NKAIN3: variants seen among roughly 807,000 people sequenced by gnomAD.
NKAIN3 encodes sodium/potassium-transporting ATPase subunit beta-1-interacting protein 3.
NKAIN3 carries 25 observed loss-of-function variants against 30.2 expected under a neutral mutation model. The observed-to-expected ratio is 0.83, with a 90% CI of 0.60 to 1.16. NKAIN3 has a LOEUF of 1.16. Ranked by LOEUF, NKAIN3 falls within the 50% of genes most tolerant of loss-of-function variation. The probability of loss-of-function intolerance (pLI) is 0.00; values close to 1 mark genes in which losing one functional copy is unlikely to be tolerated. For synonymous variants in NKAIN3, 91 were observed against 89.6 expected (o/e 1.02, Z -0.09); for missense variants, 225 against 254.1 (o/e 0.89, Z 0.78).
In NKAIN3 at chr8:62,329,864, G is replaced by A. The variant is rs1304225608; in HGVS notation, c.54+80737G>A. Among the ~76,000 whole-genome samples, 4 of 152,172 alleles carry A rather than the reference G, an allele frequency of 2.6e-5. No homozygotes were observed. In the East Asian group the frequency reaches 7.8e-4, roughly 30 times the overall value. ...CCTTTGAGTATATACCCAGTCATGG[G>A]ATTGCTGGGTCAAATAGTAGTACTA... On this transcript the variant is annotated intron_variant, in intron 1 of 6. Transcript: ENST00000623646.
At chr8:62,408,256 T>C (rs1333279714) in intron 1 of NKAIN3, among the ~76,000 whole-genome samples, 1 of 152,178 alleles carries the variant, frequency 6.6e-6, no homozygotes, top group African/African-American at 2.4e-5. Context: ...CTCCTAAGAA[T>C]CTTGATCAAC....
intron 1 of NKAIN3, among the ~76,000 whole-genome samples, chr8:62,250,748 C>T (rs1351643031): frequency 1.3e-5 from 2 of 152,318 alleles, no homozygotes; most frequent in Middle Eastern, 3.4e-3. Flanking sequence ...ATCCATCAGC[C>T]AAGCATGCCC....
intron 3 of NKAIN3, among the ~76,000 whole-genome samples, chr8:62,605,827 C>T (rs1289212600): frequency 1.3e-5 from 2 of 151,818 alleles, no homozygotes; most frequent in South Asian, 2.1e-4. Context: ...AATCAATGCC[C>T]CGTGGATACT....
At chr8:62,404,572 C>T (rs1406904856) in intron 1 of NKAIN3, among the ~76,000 whole-genome samples, 3 of 152,138 alleles carry the variant, frequency 2.0e-5, no homozygotes, top group Non-Finnish European at 4.4e-5. Flanking sequence ...CTTCCTGTCA[C>T]CATGAAAAGA....
intron 5 of NKAIN3, among the ~76,000 whole-genome samples, chr8:62,926,069 G>A (rs16929884): frequency 0.11 from 16,023 of 152,106 alleles, 939 homozygotes; most frequent in East Asian, 0.17. Context: ...AGGTGGTGCC[G>A]AGTGGAAAAT....
intron 4 of NKAIN3, among the ~76,000 whole-genome samples, chr8:62,763,216 C>T (rs1307813990): frequency 9.8e-5 from 8 of 81,440 alleles, no homozygotes; most frequent in African/African-American, 1.6e-4. Context: ...TGCGAGACTC[C>T]GTCTCAAAAA....
intron 1 of NKAIN3, among the ~76,000 whole-genome samples, chr8:62,261,702 GC>G (rs903105628): frequency 6.6e-6 from 1 of 152,120 alleles, no homozygotes; most frequent in Non-Finnish European, 1.5e-5. Context: ...CTTGAAGAAG[GC>G]TTCAGGAAGG....
At chr8:62,517,515 T>C (rs557009807) in intron 1 of NKAIN3, among the ~76,000 whole-genome samples, 17 of 152,232 alleles carry the variant, frequency 1.1e-4, no homozygotes, top group African/African-American at 2.9e-4. Flanking sequence ...TCATTGGCAA[T>C]GAGAAGCTTT....
At chr8:62,962,252 T>C (rs1823589597) in intron 6 of NKAIN3, among the ~76,000 whole-genome samples, 1 of 152,228 alleles carries the variant, frequency 6.6e-6, no homozygotes, top group Non-Finnish European at 1.5e-5. Flanking sequence ...TCCTTTGAAT[T>C]CTTATGAAAG....
At chr8:62,489,070 A>C (rs538502040) in intron 1 of NKAIN3, among the ~76,000 whole-genome samples, 97 of 152,124 alleles carry the variant, frequency 6.4e-4, no homozygotes, top group Non-Finnish European at 1.3e-3. Context: ...CATTAGTCTA[A>C]GTATATATAG....
chr8:62,791,779 C>A (rs1261030426), intron 4 of NKAIN3, among the ~76,000 whole-genome samples: 4 of 151,774 alleles, frequency 2.6e-5, no homozygotes, highest in Non-Finnish European at 5.9e-5. Context: ...ATCTTCATAA[C>A]AGTTTCCAGA....
At position 62,970,622 on chromosome 8, in the gene NKAIN3, A is replaced by C. The variant is rs992376202; in HGVS notation, c.*5215A>C. Among the ~76,000 whole-genome samples, 3 of 152,170 alleles carry C rather than the reference A, an allele frequency of 2.0e-5. No homozygotes were observed. Among genetic ancestry groups the C allele is most frequent in the Non-Finnish European group, 4.4e-5 (3 of 68,030 alleles). On this transcript the variant is annotated 3_prime_UTR_variant, in exon 7 of 7. Coordinates refer to ENST00000623646, the MANE Select transcript of NKAIN3 (RefSeq NM_001304533.3). ...AGAAAAGAATAGAAGGTAGAAAGGA[A>C]GGGAGAGGAAAATGGAGAGAAGATG...
chr8:62,688,741 GACACACAC>G (rs375008096), intron 3 of NKAIN3, among the ~76,000 whole-genome samples: 11 of 116,392 alleles, frequency 9.5e-5, no homozygotes, highest in African/African-American at 2.2e-4. Flanking sequence ...CAGACAGACA[GACACACAC>G]ACACACACAC....
intron 4 of NKAIN3, among the ~76,000 whole-genome samples, chr8:62,795,493 G>C (rs931674347): frequency 6.6e-6 from 1 of 152,076 alleles, no homozygotes; most frequent in Non-Finnish European, 1.5e-5. Context: ...ACCCATCCTA[G>C]AATCAAGCAG....
chr8:62,925,723 A>G (rs1389747290), intron 5 of NKAIN3, among the ~76,000 whole-genome samples: 1 of 152,142 alleles, frequency 6.6e-6, no homozygotes, highest in Non-Finnish European at 1.5e-5. Context: ...AGTTCTATAG[A>G]TGATGCTTTT....
intron 4 of NKAIN3, among the ~76,000 whole-genome samples, chr8:62,894,377 T>C (rs201937869): frequency 6.6e-6 from 1 of 152,218 alleles, no homozygotes; most frequent in East Asian, 1.9e-4. Flanking sequence ...ATTATCTTTT[T>C]CTTGAACACT....
At chr8:62,996,690 TA>T (rs1255696367) in intron 5 of NKAIN3, among the ~76,000 whole-genome samples, 1 of 152,166 alleles carries the variant, frequency 6.6e-6, no homozygotes, top group Non-Finnish European at 1.5e-5. Flanking sequence ...AAGTATTGGG[TA>T]AATGTTCCTA....
intron 4 of NKAIN3, among the ~76,000 whole-genome samples, chr8:62,869,267 A>G (rs1488868615): frequency 6.6e-6 from 1 of 152,156 alleles, no homozygotes; most frequent in Non-Finnish European, 1.5e-5. Context: ...CTAGGCTTTA[A>G]GCCCAGCATG....
rs141579623 is a variant in NKAIN3, at chr8:62,723,370, C to A, written c.274-23562C>A. ...ATGTGTGCATACATGCATACGCATG[C>A]ATGATTTATAAGTACACCAAACTAT... On this transcript the variant is annotated intron_variant, in intron 3 of 6. Transcript: ENST00000623646. Among the ~76,000 whole-genome samples the A allele has an allele frequency of 2.8e-3, 422 of 152,218 alleles. 3 individuals carry two copies. The highest frequency in any genetic ancestry group is 9.8e-3 in the African/African-American group (407 of 41,546).
Sources: gnomAD v4.1 joint callset for allele counts (sites outside exome capture counted in the v4.1 genomes callset) on GRCh38, gnomAD v4.1.1 for gene constraint, MANE v1.5 for transcripts, NCBI Gene and HGNC (gene_info 2026-07-23, HGNC 2026-07-21) for gene names.